The following CDH18 variants were observed in gnomAD, a reference collection of about 807,000 sequenced individuals.
CDH18 encodes the protein cadherin 18.
CDH18 carries 31 observed loss-of-function variants against 67.9 expected under a neutral mutation model. The ratio of observed to expected loss-of-function variants is 0.46; its 90% confidence interval spans 0.34 to 0.62. CDH18 has a LOEUF of 0.62. Among genes scored for constraint, CDH18 ranks in the 20% least tolerant of loss-of-function variants. The probability of loss-of-function intolerance (pLI) is 0.01; values close to 1 mark genes in which losing one functional copy is unlikely to be tolerated. For synonymous variants in CDH18, 362 were observed against 347.2 expected (o/e 1.04, Z -0.48); for missense variants, 890 against 975.5 (o/e 0.91, Z 1.17).
chr5:19,845,674 C>T (rs1003736332), intron 2 of CDH18, among the ~76,000 whole-genome samples: 3 of 151,756 alleles, frequency 2.0e-5, no homozygotes, highest in African/African-American at 4.8e-5. Context: ...TTTTATATAT[C>T]TAGGTGCTCT....
At chr5:20,392,648 G>C (rs192497853) in intron 1 of CDH18, among the ~76,000 whole-genome samples, 1 of 151,716 alleles carries the variant, frequency 6.6e-6, no homozygotes, top group Non-Finnish European at 1.5e-5. Context: ...GATGAAGACG[G>C]GTCTGGAATA....
At chr5:20,155,114 A>G (rs1047619390) in intron 2 of CDH18, among the ~76,000 whole-genome samples, 6 of 152,156 alleles carry the variant, frequency 3.9e-5, no homozygotes, top group African/African-American at 1.4e-4. Flanking sequence ...TTTGAATGCT[A>G]TTTAAGGTTG....
intron 1 of CDH18, among the ~76,000 whole-genome samples, chr5:20,473,472 A>G (rs1340002215): frequency 6.6e-6 from 1 of 151,958 alleles, no homozygotes; most frequent in African/African-American, 2.4e-5. Flanking sequence ...ATGCGCTATG[A>G]CTTCACTAAT....
At chr5:20,113,731 T>A (rs1177692900) in intron 2 of CDH18, among the ~76,000 whole-genome samples, 1 of 152,182 alleles carries the variant, frequency 6.6e-6, no homozygotes, top group Non-Finnish European at 1.5e-5. Context: ...AGTAAAAATG[T>A]CAGTAATCAT....
At chr5:19,491,234 G>A (rs1479060123) in intron 11 of CDH18, among the ~76,000 whole-genome samples, 1 of 152,176 alleles carries the variant, frequency 6.6e-6, no homozygotes, top group Non-Finnish European at 1.5e-5. Flanking sequence ...GCAGGACACA[G>A]TTACAGCCAC....
intron 3 of CDH18, among the ~76,000 whole-genome samples, chr5:19,806,258 C>T (rs970232999): frequency 2.0e-5 from 3 of 152,152 alleles, no homozygotes; most frequent in African/African-American, 2.4e-5. Flanking sequence ...CCACTGCCTG[C>T]GTGTTCAGCA....
Position 19,721,366 on chromosome 5 carries a change from G to A in CDH18, c.624C>T (p.Phe208=). 1 of 1,606,054 alleles carries A rather than the reference G, an allele frequency of 6.2e-7. No individual in the cohort carries two copies. Among genetic ancestry groups the A allele is most frequent in the Non-Finnish European group, 8.5e-7 (1 of 1,174,138 alleles). Residue 208 remains phenylalanine (F), a synonymous_variant, in exon 5 of 13, where the codon TTC becomes TTT. Transcript: ENST00000382275. ...VYSILQGQPY[F]SVDPKTGVIR... is the part of the protein sequence containing the mutation. ...ACTAACCTGTTTTAGGGTCGACGGA[G>A]AAGTAGGGTTGTCCTTGGAGAATGC...
intron 2 of CDH18, among the ~76,000 whole-genome samples, chr5:20,197,780 C>T (rs1739102053): frequency 6.6e-6 from 1 of 152,152 alleles, no homozygotes; most frequent in Non-Finnish European, 1.5e-5. Context: ...ATTAGAAAAA[C>T]AGCATTTGAC....
chr5:19,586,814 C>T (rs1744228191), intron 7 of CDH18, among the ~76,000 whole-genome samples: 1 of 152,156 alleles, frequency 6.6e-6, no homozygotes, highest in South Asian at 2.1e-4. Context: ...AACTAATTTA[C>T]ACTTCTACCA....
At chr5:20,248,499 G>A (rs903335176) in intron 2 of CDH18, among the ~76,000 whole-genome samples, 1 of 152,166 alleles carries the variant, frequency 6.6e-6, no homozygotes, top group Admixed American at 6.5e-5. Context: ...ACTAGCAGCA[G>A]CAGAAGTAAT....
At chr5:19,865,518 C>T (rs996858642) in intron 2 of CDH18, among the ~76,000 whole-genome samples, 5 of 151,928 alleles carry the variant, frequency 3.3e-5, no homozygotes, top group Non-Finnish European at 5.9e-5. Flanking sequence ...TGGAGGAGTA[C>T]CAAGAGTGTC....
At chr5:20,554,714 T>C (rs1288385820) in intron 1 of CDH18, among the ~76,000 whole-genome samples, 2 of 152,156 alleles carry the variant, frequency 1.3e-5, no homozygotes, top group Admixed American at 1.3e-4. Context: ...CTGGATAGGC[T>C]TGTAACCAAT....
chr5:19,966,292 C>G (rs961820010), intron 2 of CDH18, among the ~76,000 whole-genome samples: 1 of 152,038 alleles, frequency 6.6e-6, no homozygotes, highest in African/African-American at 2.4e-5. Context: ...AATGCTCTTG[C>G]TCAGAGAGAA....
chr5:20,203,469 C>G (rs1739610806), intron 2 of CDH18, among the ~76,000 whole-genome samples: 1 of 151,988 alleles, frequency 6.6e-6, no homozygotes, highest in Non-Finnish European at 1.5e-5. Flanking sequence ...TCCTTTGGGA[C>G]TTCCCATGAA....
intron 5 of CDH18, among the ~76,000 whole-genome samples, chr5:19,631,931 T>C (rs1752478262): frequency 6.6e-6 from 1 of 152,176 alleles, no homozygotes; most frequent in South Asian, 2.1e-4. Flanking sequence ...ATTTCGGTCA[T>C]ACAGTATAGT....
intron 5 of CDH18, among the ~76,000 whole-genome samples, chr5:19,624,581 C>T (rs1191038745): frequency 6.6e-6 from 1 of 152,142 alleles, no homozygotes; most frequent in Middle Eastern, 3.2e-3. Context: ...GTAGCCAGAA[C>T]TTTATACACC....
intron 1 of CDH18, among the ~76,000 whole-genome samples, chr5:19,984,353 CA>C (rs1320396402): frequency 1.3e-5 from 2 of 151,756 alleles, no homozygotes; most frequent in African/African-American, 4.8e-5. Flanking sequence ...TATATGTCTA[CA>C]TTTTTATAAT....
At chr5:20,017,309 A>G (rs1341761641) in intron 2 of CDH18, among the ~76,000 whole-genome samples, 1 of 152,090 alleles carries the variant, frequency 6.6e-6, no homozygotes, top group Non-Finnish European at 1.5e-5. Flanking sequence ...TCCCTTCCAA[A>G]TTCTATTTAT....
At chr5:19,833,123 C>T (rs1014646711) in intron 3 of CDH18, among the ~76,000 whole-genome samples, 10 of 152,004 alleles carry the variant, frequency 6.6e-5, no homozygotes, top group Non-Finnish European at 1.0e-4. Context: ...GGCAATATGG[C>T]GATTTTCATG....
Sources: gnomAD v4.1 joint callset for allele counts (sites outside exome capture counted in the v4.1 genomes callset) on GRCh38, gnomAD v4.1.1 for gene constraint, MANE v1.5 for transcripts, NCBI Gene and HGNC (gene_info 2026-07-23, HGNC 2026-07-21) for gene names.